Variants in PCDH15 observed in about 807,000 individuals in gnomAD.
The protein encoded by PCDH15 is protocadherin-15.
Under a neutral mutation model 178.5 loss-of-function variants are expected in PCDH15, and 129 were observed. The ratio of observed to expected loss-of-function variants is 0.72; its 90% CI spans 0.63 to 0.84. PCDH15 has a LOEUF of 0.84. PCDH15 is among the 40% of genes least tolerant of loss of function. The probability of loss-of-function intolerance (pLI) is 0.00; values close to 1 mark genes in which losing one functional copy is unlikely to be tolerated. For synonymous variants in PCDH15, 800 were observed against 732.0 expected, an observed-to-expected ratio of 1.09 and a Z score of -1.50; for missense variants, 2,230 against 2,099.9, an observed-to-expected ratio of 1.06 and a Z score of -1.21.
intron 2 of PCDH15, among the ~76,000 whole-genome samples, chr10:55,527,385 TC>T (rs1841323678): frequency 6.6e-6 from 1 of 152,042 alleles, no homozygotes; most frequent in Admixed American, 6.6e-5. Context: ...TTGAGCTTCA[TC>T]TTCATATAGC....
intron 26 of PCDH15, among the ~76,000 whole-genome samples, chr10:53,876,168 C>A (rs150004239): frequency 6.7e-6 from 1 of 149,026 alleles, no homozygotes; most frequent in African/African-American, 2.5e-5. Context: ...ACCACTTTAA[C>A]TTGAGTCTTG....
intron 8 of PCDH15, among the ~76,000 whole-genome samples, chr10:54,239,432 T>TATAGAGAGAGAGAGAGAGAGAG (rs1554853331): frequency 1.3e-5 from 2 of 150,560 alleles, no homozygotes; most frequent in African/African-American, 4.9e-5. Context: ...TATATATATA[T>TATAGAGAGAGAGAGAGAGAGAG]AGAGTAAGAA....
At chr10:54,327,515 G>A (rs181444247) in intron 7 of PCDH15, among the ~76,000 whole-genome samples, 41 of 150,918 alleles carry the variant, frequency 2.7e-4, no homozygotes, top group African/African-American at 9.7e-4. Context: ...TCCAAACTTA[G>A]CTTCAAAAAT....
chr10:53,926,055 AATC>A (rs1400704094), intron 25 of PCDH15, among the ~76,000 whole-genome samples: 1 of 152,222 alleles, frequency 6.6e-6, no homozygotes, highest in African/African-American at 2.4e-5. Flanking sequence ...AAAAGTATAA[AATC>A]ATCCTTGATT....
intron 2 of PCDH15, among the ~76,000 whole-genome samples, chr10:55,595,944 C>G (rs1228081018): frequency 1.3e-5 from 2 of 151,990 alleles, no homozygotes; most frequent in African/African-American, 4.8e-5. Flanking sequence ...AATGTTTGCA[C>G]TGCTTAAAGA....
intron 1 of PCDH15, among the ~76,000 whole-genome samples, chr10:54,729,565 T>C (rs1242672467): frequency 1.3e-5 from 2 of 151,472 alleles, no homozygotes; most frequent in South Asian, 2.1e-4. Flanking sequence ...GACCTAATTA[T>C]ACCAAATGGC....
intron 3 of PCDH15, among the ~76,000 whole-genome samples, chr10:54,456,015 A>G (rs1030682764): frequency 1.3e-5 from 2 of 152,274 alleles, no homozygotes; most frequent in Admixed American, 6.5e-5. Context: ...GATGTATGGA[A>G]ATGCCTGGAT....
At chr10:55,133,067 A>T (rs527447740) in intron 2 of PCDH15, among the ~76,000 whole-genome samples, 163 of 152,314 alleles carry the variant, frequency 1.1e-3, no homozygotes, top group Non-Finnish European at 1.9e-3. Context: ...TTGAAGACTG[A>T]TAGATCTCGA....
intron 1 of PCDH15, among the ~76,000 whole-genome samples, chr10:54,760,260 C>A (rs1184489617): frequency 6.6e-6 from 1 of 151,856 alleles, no homozygotes; most frequent in Admixed American, 6.6e-5. Context: ...AGATAACTGA[C>A]CACATTTCCT....
chr10:54,579,153 C>A (rs1184352112), intron 2 of PCDH15, among the ~76,000 whole-genome samples: 5 of 151,968 alleles, frequency 3.3e-5, no homozygotes, highest in Non-Finnish European at 7.4e-5. Context: ...TAAATATTAA[C>A]CTTGAATTTA....
chr10:55,328,948 A>ATG (rs1844116395), intron 2 of PCDH15, among the ~76,000 whole-genome samples: 1 of 137,264 alleles, frequency 7.3e-6, no homozygotes, highest in East Asian at 2.1e-4. Flanking sequence ...ATATATATAT[A>ATG]TAAAATATAT....
At chr10:54,185,102 T>C (rs762229705) in intron 12 of PCDH15, 32 bp downstream of exon 12, 3 of 1,606,554 alleles carry the variant, frequency 1.9e-6, no homozygotes, top group South Asian at 1.1e-5. Flanking sequence ...CATTCATACA[T>C]ACATATGTAT....
intron 8 of PCDH15, among the ~76,000 whole-genome samples, chr10:54,252,275 T>A (rs1427119586): frequency 6.6e-6 from 1 of 152,134 alleles, no homozygotes; most frequent in Non-Finnish European, 1.5e-5. Flanking sequence ...GGGCCATGAG[T>A]AAAACTAATG....
chr10:54,021,722 T>C (rs73235705), intron 19 of PCDH15, among the ~76,000 whole-genome samples: 4,424 of 151,958 alleles, frequency 0.029, 192 homozygotes, highest in African/African-American at 0.097. Context: ...CCTAGGCCCT[T>C]TGTACTGAGG....
chr10:54,536,902 C>T (rs538882090), intron 2 of PCDH15, among the ~76,000 whole-genome samples: 1 of 151,804 alleles, frequency 6.6e-6, no homozygotes, highest in Non-Finnish European at 1.5e-5. Context: ...TCACTGTTGA[C>T]GGGCACTTAC....
chr10:55,244,764 G>A (rs1841643022), intron 1 of PCDH15, among the ~76,000 whole-genome samples: 1 of 150,942 alleles, frequency 6.6e-6, no homozygotes, highest in Admixed American at 6.6e-5. Context: ...ATTTCTATTA[G>A]AAAATTATTT....
At chr10:54,571,514 A>C (rs2089839333) in intron 2 of PCDH15, among the ~76,000 whole-genome samples, 1 of 152,138 alleles carries the variant, frequency 6.6e-6, no homozygotes, top group Admixed American at 6.6e-5. Context: ...ACACAATTAT[A>C]ACAACCGAAA....
intron 2 of PCDH15, among the ~76,000 whole-genome samples, chr10:55,621,400 G>C (rs80275494): frequency 6.6e-6 from 1 of 152,166 alleles, no homozygotes; most frequent in Non-Finnish European, 1.5e-5. Flanking sequence ...GCACCCCAGA[G>C]CAGGGGTCCC....
chr10:54,556,182 A>T (rs2133272346), intron 2 of PCDH15, among the ~76,000 whole-genome samples: 1 of 152,246 alleles, frequency 6.6e-6, no homozygotes, highest in East Asian at 1.9e-4. Context: ...GCTACCTGAG[A>T]TTATGTATTT....
Sources: allele counts gnomAD v4.1 joint callset (sites outside exome capture counted in the v4.1 genomes callset), GRCh38; gene constraint gnomAD v4.1.1; transcripts MANE v1.5; gene names NCBI Gene and HGNC (gene_info 2026-07-23, HGNC 2026-07-21).